The following AGBL4 variants were observed in gnomAD, a reference collection of about 807,000 sequenced individuals.
AGBL4 encodes the protein cytosolic carboxypeptidase 6.
Under a neutral mutation model 66.4 loss-of-function variants are expected in AGBL4, and 58 were observed. The observed-to-expected ratio is 0.87, with a 90% CI of 0.71 to 1.09. The LOEUF (loss-of-function observed/expected upper bound fraction) is 1.09, where lower values mean the gene tolerates loss of function less well. Ranked by LOEUF, AGBL4 falls within the 50% of genes least tolerant of loss-of-function variation. AGBL4 has a pLI of 0.00. For synonymous variants in AGBL4, 234 were observed against 222.9 expected (o/e 1.05, Z -0.44); for missense variants, 579 against 631.0 (o/e 0.92, Z 0.88).
At chr1:48,530,308 G>C (rs1034630037), downstream of AGBL4, among the ~76,000 whole-genome samples, 1 of 152,116 alleles carries the variant, frequency 6.6e-6, no homozygotes, top group Non-Finnish European at 1.5e-5. Flanking sequence ...TGGATACAAA[G>C]GGATCTAGAA....
chr1:48,546,869 AC>A (rs1419479062), intron 11 of AGBL4, among the ~76,000 whole-genome samples: 2 of 149,018 alleles, frequency 1.3e-5, no homozygotes, highest in African/African-American at 4.9e-5. Context: ...AAACAAACAC[AC>A]ACACACACAC....
intron 5 of AGBL4, among the ~76,000 whole-genome samples, chr1:49,034,132 G>A (rs1449163975): frequency 6.6e-6 from 1 of 151,992 alleles, no homozygotes; most frequent in Non-Finnish European, 1.5e-5. Context: ...TTTGCCATCT[G>A]GTTCTTTCTC....
rs1476253785 is a variant in AGBL4, at chr1:48,935,589, G to C, written c.595-68359C>G. Among the ~76,000 whole-genome samples, 3 of 152,016 alleles carry C rather than the reference G, an allele frequency of 2.0e-5. No homozygotes were observed. The East Asian group carries it at 5.8e-4, about 29-fold the overall frequency. ...TCAGTTGGGTCTGATCTTGGATAGA[G>C]AGCAGAGGTATAATTCATTGAGTTC... On this transcript the variant is annotated intron_variant, in intron 5 of 13. Coordinates refer to ENST00000371839, the MANE Select transcript of AGBL4 (RefSeq NM_032785.4).
At chr1:49,368,256 A>G (rs1457448555) in intron 3 of AGBL4, among the ~76,000 whole-genome samples, 1 of 152,120 alleles carries the variant, frequency 6.6e-6, no homozygotes, top group Non-Finnish European at 1.5e-5. Context: ...CCAGCTTTCA[A>G]TTCTTGGGGG....
intron 3 of AGBL4, among the ~76,000 whole-genome samples, chr1:49,256,293 G>A (rs922754557): frequency 1.3e-5 from 2 of 151,752 alleles, no homozygotes; most frequent in African/African-American, 4.8e-5. Context: ...ACCAAAAAAT[G>A]TACAGTTGTA....
At chr1:48,527,484 C>T in the AGBL4 span, among the ~76,000 whole-genome samples, 1 of 151,746 alleles carries the variant, frequency 6.6e-6, no homozygotes, top group Non-Finnish European at 1.5e-5. Flanking sequence ...GTAGTCCCAG[C>T]TACTCAGGAC....
chr1:48,969,337 C>A (rs905170452), intron 5 of AGBL4, among the ~76,000 whole-genome samples: 2 of 152,108 alleles, frequency 1.3e-5, no homozygotes, highest in Non-Finnish European at 2.9e-5. Flanking sequence ...CTCTATTTGT[C>A]GGAAATGCAC....
chr1:48,726,474 T>C (rs190690791), intron 6 of AGBL4, among the ~76,000 whole-genome samples: 50 of 152,348 alleles, frequency 3.3e-4, no homozygotes, highest in Admixed American at 2.7e-3. Context: ...AACTTTACTT[T>C]GTGAAATGAG....
At chr1:49,363,601 C>T (rs184865631) in intron 3 of AGBL4, among the ~76,000 whole-genome samples, 6 of 152,230 alleles carry the variant, frequency 3.9e-5, no homozygotes, top group South Asian at 2.1e-4. Context: ...GGGGGAGTTA[C>T]GGGTATATGT....
intron 4 of AGBL4, among the ~76,000 whole-genome samples, chr1:49,195,751 A>C (rs887537393): frequency 3.9e-5 from 6 of 152,074 alleles, no homozygotes; most frequent in African/African-American, 1.4e-4. Flanking sequence ...AAGCTTTCTA[A>C]ACTTTTTTTC....
At chr1:49,194,268 C>T (rs1445448591) in intron 4 of AGBL4, among the ~76,000 whole-genome samples, 5 of 62,938 alleles carry the variant, frequency 7.9e-5, no homozygotes, top group Admixed American at 4.4e-4. Flanking sequence ...TATATACTGA[C>T]CTTTCTTGTC....
chr1:48,604,698 T>C (rs1315828381), intron 9 of AGBL4, among the ~76,000 whole-genome samples: 1 of 152,198 alleles, frequency 6.6e-6, no homozygotes, highest in African/African-American at 2.4e-5. Flanking sequence ...ACTGGCGGGC[T>C]TTTCTGTAGC....
chr1:49,281,960 T>A (rs1222693864), intron 3 of AGBL4, among the ~76,000 whole-genome samples: 2 of 152,182 alleles, frequency 1.3e-5, no homozygotes, highest in Non-Finnish European at 2.9e-5. Context: ...TGCCAATTTA[T>A]AGGCAGTTGG....
At chr1:48,750,495 G>A (rs143989320) in intron 6 of AGBL4, among the ~76,000 whole-genome samples, 2 of 152,188 alleles carry the variant, frequency 1.3e-5, no homozygotes, top group East Asian at 1.9e-4. Context: ...CATGTAAGGA[G>A]CTCTCTTTTG....
intron 2 of AGBL4, chr1:49,846,327 C>T (rs562667231): frequency 1.4e-4 from 212 of 1,530,960 alleles, no homozygotes; most frequent in Non-Finnish European, 1.8e-4. Flanking sequence ...AAGCCATATG[C>T]ATGCAGGGAC....
intron 3 of AGBL4, among the ~76,000 whole-genome samples, chr1:49,302,778 C>T (rs995255019): frequency 2.6e-5 from 4 of 151,476 alleles, no homozygotes; most frequent in South Asian, 4.2e-4. Flanking sequence ...AGGTATTAAG[C>T]CCCACATGCA....
chr1:49,963,779 T>C (rs894360945), intron 1 of AGBL4, among the ~76,000 whole-genome samples: 1 of 152,144 alleles, frequency 6.6e-6, no homozygotes, highest in Non-Finnish European at 1.5e-5. Flanking sequence ...AATTTGACTA[T>C]ATATTCCAGG....
At chr1:48,885,568 T>C (rs987022224) in intron 5 of AGBL4, among the ~76,000 whole-genome samples, 45 of 152,006 alleles carry the variant, frequency 3.0e-4, no homozygotes, top group African/African-American at 1.1e-3. Flanking sequence ...AAATGCAGAG[T>C]TCCTTTTTCA....
At chr1:49,334,685 A>T (rs1339492118) in intron 3 of AGBL4, among the ~76,000 whole-genome samples, 1 of 152,202 alleles carries the variant, frequency 6.6e-6, no homozygotes, top group Non-Finnish European at 1.5e-5. Flanking sequence ...TGGAATCATT[A>T]TGGTCACAAG....
Sources: allele counts gnomAD v4.1 joint callset (sites outside exome capture counted in the v4.1 genomes callset), GRCh38; gene constraint gnomAD v4.1.1; transcripts MANE v1.5; gene names NCBI Gene and HGNC (gene_info 2026-07-23, HGNC 2026-07-21).